DYRK4: variants seen among roughly 807,000 people sequenced by gnomAD.
DYRK4 encodes the protein dual specificity tyrosine phosphorylation regulated kinase 4.
Under a neutral mutation model 68.3 loss-of-function variants are expected in DYRK4, and 64 were observed. The ratio of observed to expected loss-of-function variants is 0.94; its 90% CI spans 0.77 to 1.15. DYRK4 has a LOEUF of 1.15. Among genes scored for constraint, DYRK4 ranks in the 50% most tolerant of loss-of-function variants. DYRK4 has a pLI of 0.00. For synonymous variants in DYRK4, 274 were observed against 289.9 expected (o/e 0.95, Z 0.56); for missense variants, 740 against 764.7 (o/e 0.97, Z 0.38).
intron 2 of DYRK4, among the ~76,000 whole-genome samples, chr12:4,572,434 A>C (rs1944741210): frequency 6.6e-6 from 1 of 151,984 alleles, no homozygotes; most frequent in African/African-American, 2.4e-5. Flanking sequence ...GGCGCCCGCC[A>C]CCACACCTGG....
intron 2 of DYRK4, chr12:4,580,681 A>T (rs946526317): frequency 5.9e-5 from 22 of 375,942 alleles, no homozygotes; most frequent in African/African-American, 4.3e-4. Flanking sequence ...TTTATTTTTA[A>T]CTCCTGGTAG....
intron 4 of DYRK4, chr12:4,590,866 C>G: frequency 4.5e-6 from 2 of 448,310 alleles, no homozygotes; most frequent in Non-Finnish European, 7.8e-6. Flanking sequence ...AGCTCACCTT[C>G]TTAAGAGCAG....
chr12:4,602,111 G>T, intron 10 of DYRK4: 1 of 528,536 alleles, frequency 1.9e-6, no homozygotes, highest in East Asian at 3.8e-5. Flanking sequence ...TTCTTTCATA[G>T]GCTGATATCC....
chr12:4,599,112 G>C lies in DYRK4; in HGVS notation c.990G>C (p.Leu330Phe). 1 of 1,613,984 alleles carries C rather than the reference G, an allele frequency of 6.2e-7. No individual in the cohort carries two copies. Among genetic ancestry groups the C allele is most frequent in the Non-Finnish European group, 8.5e-7 (1 of 1,180,006 alleles). Residue 330 changes from leucine to phenylalanine, a missense_variant, in exon 9 of 15, where the codon TTG becomes TTC. Physicochemically the swap from Leu to Phe is conservative, Grantham distance 22 (BLOSUM62 0). Transcript: ENST00000543431. Reference sequence around the variant, plus strand: ...TTCGGCGCTTCACTCTCTCTGTTTTGAAGTGCTTGCAGATGCTTTCGGTAG... The same window carrying C: ...TTCGGCGCTTCACTCTCTCTGTTTTCAAGTGCTTGCAGATGCTTTCGGTAG... ...SIVRRFTLSV[L>F]KCLQMLSVEK...
rs1944632855 is a variant in DYRK4, at chr12:4,562,218, G to T, written c.-28G>T. On this transcript the variant is annotated 5_prime_UTR_variant, in exon 1 of 15. Coordinates refer to ENST00000543431, the MANE Select transcript of DYRK4 (RefSeq NM_001394779.1). ...CTCTGCCGGGCTCTCACAGCCTCCC[G>T]CAGCGGCGGGCGGTCAGCGCCGGCC... 2 of 1,522,168 alleles carry T rather than the reference G, an allele frequency of 1.3e-6. No homozygotes were observed. Among genetic ancestry groups the T allele is most frequent in the Admixed American group, 2.0e-5 (1 of 49,328 alleles). 94.3% of individuals were successfully genotyped at this position (1,522,168 alleles called of 1,614,324 possible). A position where few individuals can be genotyped will look rare whatever the true frequency, so the allele number is the denominator to read the frequency against.
chr12:4,566,698 A>G (rs1324046670), intron 1 of DYRK4, among the ~76,000 whole-genome samples: 1 of 152,256 alleles, frequency 6.6e-6, no homozygotes, highest in Non-Finnish European at 1.5e-5. Context: ...GCAAATGTTT[A>G]TAGAAAGAAA....
At chr12:4,572,342 C>CT (rs942805460) in intron 2 of DYRK4, among the ~76,000 whole-genome samples, 3 of 152,058 alleles carry the variant, frequency 2.0e-5, no homozygotes, top group African/African-American at 7.2e-5. Flanking sequence ...AGTGCAGTGG[C>CT]GCGATCTTGG....
intron 11 of DYRK4, 49 bp downstream of exon 11, chr12:4,605,135 C>CAGACTCGGGG: frequency 6.4e-7 from 1 of 1,565,180 alleles, no homozygotes; most frequent in Non-Finnish European, 8.7e-7. Flanking sequence ...TGGGCTTGGC[C>CAGACTCGGGG]CTCAGACACG....
intron 3 of DYRK4, 33 bp from the exon 4 acceptor site, chr12:4,590,297 C>A: frequency 6.6e-7 from 1 of 1,520,078 alleles, no homozygotes; most frequent in Non-Finnish European, 8.8e-7. Flanking sequence ...TTGCCTAAGG[C>A]TTTTGTAACA....
In DYRK4 at chr12:4,613,538, G is replaced by A; in HGVS notation, c.1690G>A (p.Glu564Lys). Reference sequence around the variant, plus strand: ...AGATGAGATCACCAAAGAGACTACAGAGAAAACAAAAGATAGCCCCACGAA... The same window carrying A: ...AGATGAGATCACCAAAGAGACTACAAAGAAAACAAAAGATAGCCCCACGAA... ...RKDEITKETT[E>K]KTKDSPTKHV... The change falls in exon 15 of 15, where the codon GAG (glutamate) becomes AAG (lysine). Residue 564 changes from glutamate (E) to lysine (K), a missense_variant. Physicochemically the swap from Glu to Lys is moderately conservative, Grantham distance 56. Around this residue, in one of 3 missense-constraint regions of DYRK4, gnomAD observed 614 missense variants for 603.7 expected, o/e 1.02. Transcript: ENST00000543431. The surrounding 1 kb of genome is among the most constrained non-coding windows in gnomAD (Gnocchi z 4.0). The A allele has an allele frequency of 6.2e-7, 1 of 1,613,694 alleles. No homozygotes were observed. The highest frequency in any genetic ancestry group is 8.5e-7 in the Non-Finnish European group (1 of 1,179,678).
chr12:4,565,727 G>A (rs1253527593), intron 1 of DYRK4, among the ~76,000 whole-genome samples: 2 of 152,038 alleles, frequency 1.3e-5, no homozygotes, highest in African/African-American at 4.8e-5. Context: ...CCGGATTCAG[G>A]AGATTCTCCT....
intron 5 of DYRK4, 29 bp from the exon 6 acceptor site, chr12:4,592,973 A>G: frequency 6.2e-7 from 1 of 1,602,072 alleles, no homozygotes; most frequent in Non-Finnish European, 8.5e-7. Context: ...GCCTCAACTG[A>G]ACTCACAATT....
At chr12:4,570,671 A>G (rs1944722212) in intron 2 of DYRK4, among the ~76,000 whole-genome samples, 1 of 152,232 alleles carries the variant, frequency 6.6e-6, no homozygotes, top group South Asian at 2.1e-4. Context: ...ACTTATTTAA[A>G]TAAATTAATA....
In DYRK4 at chr12:4,591,437, AG is replaced by A. The variant is rs1446753062; in HGVS notation, c.463+140del. 2 of 1,237,180 alleles carry A rather than the reference AG, an allele frequency of 1.6e-6. No homozygotes were observed. Among genetic ancestry groups the A allele is most frequent in the Non-Finnish European group, 2.2e-6 (2 of 906,684 alleles). The allele number at this position is 1,237,180 out of a possible 1,614,324, so 76.6% of individuals were successfully genotyped here. Reference sequence around the variant, plus strand: ...GGCAGCCAGCCAAGAGGAAAGTAGAAGTTAAGCGTTGAACCTCTGACTGTGG... The same window carrying A: ...GGCAGCCAGCCAAGAGGAAAGTAGAATTAAGCGTTGAACCTCTGACTGTGG... On this transcript the variant is annotated intron_variant, in intron 5 of 14. Coordinates refer to ENST00000543431, the MANE Select transcript of DYRK4 (RefSeq NM_001394779.1). The surrounding 1 kb of genome is among the most constrained non-coding windows in gnomAD (Gnocchi z 4.1).
chr12:4,601,037 A>G (rs1354249016), intron 10 of DYRK4, among the ~76,000 whole-genome samples: 1 of 152,154 alleles, frequency 6.6e-6, no homozygotes, highest in Non-Finnish European at 1.5e-5. Flanking sequence ...GCCAGGATAA[A>G]AGGTCAATTA....
chr12:4,598,998 C>A, intron 8 of DYRK4, 30 bp from the exon 9 acceptor site: 5 of 1,613,016 alleles, frequency 3.1e-6, no homozygotes, highest in South Asian at 1.1e-5. Context: ...TTTTTACACC[C>A]ATATGCATCA....
In DYRK4 at chr12:4,590,047, G is replaced by A. The variant is rs1442490843; in HGVS notation, c.214-283G>A. 3.3e-6 allele frequency: 3 copies of A among 900,246 alleles called. No homozygotes were observed. In the East Asian group the frequency reaches 1.8e-4, roughly 54 times the overall value. 55.8% of individuals were successfully genotyped at this position (900,246 alleles called of 1,614,324 possible). On this transcript the variant is annotated intron_variant, in intron 3 of 14. Coordinates refer to ENST00000543431, the MANE Select transcript of DYRK4 (RefSeq NM_001394779.1). The stretch of plus-strand genomic sequence containing the variant: ...GCCCCATTTTTGTTCCCATGGTAGT[G>A]ATGAAATAATTGAGGTTTCGAGAAA...
chr12:4,575,192 A>G (rs1479885729), intron 2 of DYRK4, among the ~76,000 whole-genome samples: 1 of 151,370 alleles, frequency 6.6e-6, no homozygotes, highest in Non-Finnish European at 1.5e-5. Context: ...CATTGGTGCA[A>G]ATGTACCTTG....
chr12:4,606,807 C>G (rs1260194625), intron 11 of DYRK4, among the ~76,000 whole-genome samples: 1 of 152,196 alleles, frequency 6.6e-6, no homozygotes, highest in Non-Finnish European at 1.5e-5. Context: ...GCAGCAAGGG[C>G]AGGTGACCCA....
Sources: allele counts gnomAD v4.1 joint callset (sites outside exome capture counted in the v4.1 genomes callset), GRCh38; gene constraint gnomAD v4.1.1; regional missense constraint gnomAD v4.1.1; non-coding constraint Gnocchi (gnomAD v3.1); transcripts MANE v1.5; gene names NCBI Gene and HGNC (gene_info 2026-07-23, HGNC 2026-07-21).